CDK12: variants seen among roughly 807,000 people sequenced by gnomAD.
The protein encoded by CDK12 is cyclin-dependent kinase 12.
In CDK12, 17 loss-of-function variants were observed where a neutral mutation model predicts 133.8. That is an observed-to-expected ratio of 0.13 (90% CI 0.09 to 0.19). The LOEUF is 0.19. Ranked by LOEUF, CDK12 falls within the 10% of genes least tolerant of loss-of-function variation. The pLI is 1.00. For synonymous variants in CDK12, 694 were observed against 683.6 expected (o/e 1.02, Z -0.24); for missense variants, 1,508 against 1,818.7 (o/e 0.83, Z 3.11).
chr17:39,565,216 C>T (rs1028509129), downstream of CDK12, among the ~76,000 whole-genome samples: 1 of 152,178 alleles, frequency 6.6e-6, no homozygotes, highest in Middle Eastern at 3.2e-3. Context: ...TGGGTTCACG[C>T]CATTCTCCTG....
At chr17:39,541,454 G>A (rs2055412791) in intron 1 of CDK12, among the ~76,000 whole-genome samples, 2 of 147,934 alleles carry the variant, frequency 1.4e-5, no homozygotes, top group Non-Finnish European at 3.0e-5. Context: ...TGCAAGCTCC[G>A]CCTCCTGGGT....
chr17:39,479,652 A>T (rs1478567953), intron 2 of CDK12, among the ~76,000 whole-genome samples: 6 of 150,974 alleles, frequency 4.0e-5, no homozygotes, highest in Admixed American at 2.7e-4. Flanking sequence ...CCCGAGACAG[A>T]GTCTTGCTCT....
At chr17:39,526,881 C>T (rs542506747) in intron 13 of CDK12, among the ~76,000 whole-genome samples, 1 of 152,178 alleles carries the variant, frequency 6.6e-6, no homozygotes, top group East Asian at 1.9e-4. Flanking sequence ...AAGAACAATT[C>T]CTTTAAATCT....
At position 39,531,513 on chromosome 17, in the gene CDK12, T is replaced by C; in HGVS notation, c.*197T>C. On this transcript the variant is annotated 3_prime_UTR_variant, in exon 14 of 14. Coordinates refer to ENST00000447079, the MANE Select transcript of CDK12 (RefSeq NM_016507.4). ...TAATGATGTTGGCACCAGTTCCCCC[T>C]GGATGGGCTATAGCCAGAACATTTA... 2.2e-6 allele frequency: 1 copy of C among 450,152 alleles called. No homozygotes were observed. Among genetic ancestry groups the C allele is most frequent in the Non-Finnish European group, 3.8e-6 (1 of 261,112 alleles). 27.9% of individuals were successfully genotyped at this position (450,152 alleles called of 1,614,324 possible).
downstream of CDK12, among the ~76,000 whole-genome samples, chr17:39,539,332 A>G (rs1456801866): frequency 6.6e-6 from 1 of 152,210 alleles, no homozygotes; most frequent in Non-Finnish European, 1.5e-5. Flanking sequence ...CCATGAATGA[A>G]GGAGATAAAT....
At chr17:39,482,584 T>G (rs2050797238) in intron 2 of CDK12, among the ~76,000 whole-genome samples, 1 of 142,298 alleles carries the variant, frequency 7.0e-6, no homozygotes, top group African/African-American at 2.5e-5. Context: ...GCTGCCAAAG[T>G]GAACAATCAA....
intron 2 of CDK12, among the ~76,000 whole-genome samples, chr17:39,484,937 G>C (rs950862895): frequency 1.2e-4 from 19 of 152,176 alleles, no homozygotes; most frequent in African/African-American, 4.6e-4. Flanking sequence ...TTGGGAGGCC[G>C]AGGCGGGCGG....
intron 8 of CDK12, among the ~76,000 whole-genome samples, chr17:39,513,380 C>T (rs2053608247): frequency 6.6e-6 from 1 of 152,060 alleles, no homozygotes; most frequent in South Asian, 2.1e-4. Context: ...TAAAATTCAA[C>T]AGAATGATGG....
At chr17:39,474,725 GA>G (rs949835665) in intron 2 of CDK12, among the ~76,000 whole-genome samples, 12 of 146,284 alleles carry the variant, frequency 8.2e-5, no homozygotes, top group East Asian at 2.0e-4. Context: ...TGGAAAGGGG[GA>G]AAAAAACTAT....
At chr17:39,535,125 G>T (rs2055073499), downstream of CDK12, 1 of 152,184 alleles carries the variant, frequency 6.6e-6, no homozygotes, top group African/African-American at 2.4e-5. Context: ...TCCACCTGAA[G>T]ACAGAATTGC....
downstream of CDK12, among the ~76,000 whole-genome samples, chr17:39,566,206 A>C (rs544460592): frequency 1.3e-5 from 2 of 152,266 alleles, no homozygotes; most frequent in Admixed American, 1.3e-4. Flanking sequence ...GTTCTGGAAA[A>C]GGTCTGATTG....
intron 2 of CDK12, among the ~76,000 whole-genome samples, chr17:39,488,126 T>C (rs901405239): frequency 5.3e-5 from 8 of 151,798 alleles, no homozygotes; most frequent in Non-Finnish European, 1.2e-4. Flanking sequence ...CCCAGCTTCT[T>C]AGGAGGCTAA....
intron 3 of CDK12, among the ~76,000 whole-genome samples, chr17:39,564,299 T>C (rs1159001830): frequency 1.3e-5 from 2 of 152,066 alleles, no homozygotes; most frequent in Non-Finnish European, 2.9e-5. Flanking sequence ...TCTATGATAG[T>C]GTGTGTCCCA....
intron 2 of CDK12, among the ~76,000 whole-genome samples, chr17:39,488,199 A>AT (rs1350192655): frequency 6.6e-6 from 1 of 151,808 alleles, no homozygotes; most frequent in African/African-American, 2.4e-5. Flanking sequence ...GTGTCATTGC[A>AT]TTCCAGCCTG....
chr17:39,554,188 T>G (rs371448341), intron 2 of CDK12, among the ~76,000 whole-genome samples: 1 of 152,164 alleles, frequency 6.6e-6, no homozygotes, highest in Non-Finnish European at 1.5e-5. Flanking sequence ...CCCAGAACTC[T>G]AGGTACCCAG....
chr17:39,560,409 A>G (rs1567824371), intron 3 of CDK12, among the ~76,000 whole-genome samples: 1 of 152,216 alleles, frequency 6.6e-6, no homozygotes, highest in Admixed American at 6.5e-5. Context: ...TTTTATATTC[A>G]TAATTATTAA....
intron 7 of CDK12, among the ~76,000 whole-genome samples, chr17:39,510,975 G>C (rs2053468984): frequency 7.1e-6 from 1 of 141,138 alleles, no homozygotes; most frequent in Non-Finnish European, 1.5e-5. Context: ...CAGCACTTTG[G>C]GAGACCGAGG....
intron 9 of CDK12, among the ~76,000 whole-genome samples, chr17:39,516,632 G>A (rs567492850): frequency 4.3e-4 from 64 of 149,074 alleles, no homozygotes; most frequent in Non-Finnish European, 7.7e-4. Flanking sequence ...GATTACACAC[G>A]TGAGCCACCA....
rs1427605671 is a variant in CDK12 at position 39,531,223 on chromosome 17, G to A, written c.4380G>A (p.Gly1460=). Residue 1460 remains glycine, a synonymous_variant, in exon 14 of 14, where the codon GGG becomes GGA. Transcript: ENST00000447079. ...ASSSGAGLHW[G]GPTQSSAYGK... ...GCTCAGGAGCAGGCCTTCACTGGGG[G>A]GGCCCAACTCAGTCTTCTGCTTATG... is the stretch of plus-strand genomic sequence containing the variant. 12 of 1,516,820 alleles carry A rather than the reference G, an allele frequency of 7.9e-6. No individual in the cohort carries two copies. Among genetic ancestry groups the A allele is most frequent in the Non-Finnish European group, 8.8e-6 (10 of 1,134,854 alleles). The allele number at this position is 1,516,820 out of a possible 1,614,324, so 94.0% of individuals were successfully genotyped here. A position where few individuals can be genotyped will look rare whatever the true frequency, so the allele number is the denominator to read the frequency against.
Sources: gnomAD v4.1 joint callset for allele counts (sites outside exome capture counted in the v4.1 genomes callset) on GRCh38, gnomAD v4.1.1 for gene constraint, MANE v1.5 for transcripts, NCBI Gene and HGNC (gene_info 2026-07-23, HGNC 2026-07-21) for gene names.